Variants in GPR26 observed in about 807,000 individuals in gnomAD.
GPR26 encodes the protein G protein-coupled receptor 26.
A neutral mutation model predicts 23.1 loss-of-function variants in GPR26; 15 were observed. The observed-to-expected ratio is 0.65, with a 90% CI of 0.43 to 1.00. The LOEUF is 1.00. Among genes scored for constraint, GPR26 ranks in the 50% least tolerant of loss-of-function variants. The pLI is 0.00. For synonymous variants in GPR26, 228 were observed against 222.1 expected, an observed-to-expected ratio of 1.03 and a Z score of -0.24; for missense variants, 359 against 470.5, an observed-to-expected ratio of 0.76 and a Z score of 2.19.
Position 123,666,563 on chromosome 10 carries a change from C to A in GPR26, c.156C>A (p.Asn52Lys). Residue 52 changes from asparagine to lysine, a missense_variant, in exon 1 of 3, where the codon AAC becomes AAA. Asn to Lys is a moderately conservative substitution (Grantham distance 94). Transcript: ENST00000284674. ...ALFTLNLTCG[N>K]LLCTVVNMPL... is the part of the protein sequence containing the mutation. Reference sequence around the variant, plus strand: ...TCACCCTGAACCTCACGTGCGGGAACCTGCTGTGCACCGTGGTCAACATGC... The same window carrying A: ...TCACCCTGAACCTCACGTGCGGGAAACTGCTGTGCACCGTGGTCAACATGC... 6.3e-7 allele frequency: 1 copy of A among 1,598,306 alleles called. No homozygotes were observed. The highest frequency in any genetic ancestry group is 8.5e-7 in the Non-Finnish European group (1 of 1,174,794).
intron 2 of GPR26, among the ~76,000 whole-genome samples, chr10:123,675,538 A>T (rs925057513): frequency 2.6e-5 from 4 of 152,088 alleles, no homozygotes; most frequent in Non-Finnish European, 5.9e-5. Flanking sequence ...ATTGCAATAC[A>T]CTAGCCTTGG....
rs1845508109 is a variant in GPR26, at chr10:123,693,159, C to T, written c.*4999C>T. The T allele has an allele frequency of 6.6e-6, 1 of 152,278 alleles. No individual in the cohort carries two copies. Among genetic ancestry groups the T allele is most frequent in the Non-Finnish European group, 1.5e-5 (1 of 68,090 alleles). The allele number at this position is 152,278 out of a possible 1,614,324, so 9.4% of individuals were successfully genotyped here. A position where few individuals can be genotyped will look rare whatever the true frequency, so the allele number is the denominator to read the frequency against. Reference sequence around the variant, plus strand: ...GCTGCCACTTGCTTGGGAAGGAATTCTCCAGACTCCTTTTACTTTGTATGT... The same window carrying T: ...GCTGCCACTTGCTTGGGAAGGAATTTTCCAGACTCCTTTTACTTTGTATGT... On this transcript the variant is annotated 3_prime_UTR_variant, in exon 3 of 3. Transcript: ENST00000284674.
chr10:123,688,378 C>T lies in GPR26; in HGVS notation c.*218C>T. ...TTGTCACCAAAGGATGACTGTAGGC[C>T]GTGTGCTGGCCTTTCTTTCTAAGAA... On this transcript the variant is annotated 3_prime_UTR_variant, in exon 3 of 3. Transcript: ENST00000284674. 5.3e-6 allele frequency: 3 copies of T among 565,492 alleles called. No homozygotes were observed. The highest frequency in any genetic ancestry group is 2.1e-5 in the South Asian group (1 of 48,714). The allele number at this position is 565,492 out of a possible 1,614,324, so 35.0% of individuals were successfully genotyped here.
chr10:123,666,509 G>T lies in GPR26; in HGVS notation c.102G>T (p.Ala34=). The T allele has an allele frequency of 6.3e-7, 1 of 1,576,254 alleles. No homozygotes were observed. The highest frequency in any genetic ancestry group is 8.6e-7 in the Non-Finnish European group (1 of 1,165,198). ...TGCTGCTCTGCCTGCTGCACAGCGC[G>T]GACATCCGCCGCCAGGCGCCGGCGC... The part of the protein sequence containing the change: ...ALVLLCLLHS[A]DIRRQAPALF... The change falls in exon 1 of 3, where the codon GCG becomes GCT. Residue 34 remains alanine, a synonymous_variant. Transcript: ENST00000284674.
rs1845550468 is a variant in GPR26 at position 123,696,870 on chromosome 10, T to C, written c.*8710T>C. ...GCATATGCATATGGGTGAATGTTTGTGTGCCCATGAGTATATGCATACGGG... is the reference window on the plus strand; with the variant it reads ...GCATATGCATATGGGTGAATGTTTGCGTGCCCATGAGTATATGCATACGGG... On this transcript the variant is annotated 3_prime_UTR_variant, in exon 3 of 3. Coordinates refer to ENST00000284674, the MANE Select transcript of GPR26 (RefSeq NM_153442.4). Among the ~76,000 whole-genome samples the C allele has an allele frequency of 6.9e-6, 1 of 144,812 alleles. No individual in the cohort carries two copies.
intron 1 of GPR26, among the ~76,000 whole-genome samples, chr10:123,669,580 CTT>C (rs1306704403): frequency 6.6e-6 from 1 of 152,212 alleles, no homozygotes; most frequent in Non-Finnish European, 1.5e-5. Context: ...CAGCCGGAGT[CTT>C]TGCTCACTGG....
intron 1 of GPR26, among the ~76,000 whole-genome samples, chr10:123,671,889 G>C (rs1845253699): frequency 6.6e-6 from 1 of 152,216 alleles, no homozygotes; most frequent in Admixed American, 6.5e-5. Flanking sequence ...ATTTCAAGGA[G>C]CTCAGTTTTG....
Position 123,666,520 on chromosome 10 carries a change from G to T in GPR26, c.113G>T (p.Arg38Leu). Residue 38 changes from arginine (R) to leucine (L), a missense_variant, in exon 1 of 3, where the codon CGC (arginine) becomes CTC (leucine). Coordinates refer to ENST00000284674, the MANE Select transcript of GPR26 (RefSeq NM_153442.4). ...CTGCTGCACAGCGCGGACATCCGCC[G>T]CCAGGCGCCGGCGCTCTTCACCCTG... Reference protein sequence around the residue: ...LCLLHSADIRRQAPALFTLNL... With the variant: ...LCLLHSADIRLQAPALFTLNL... The T allele has an allele frequency of 6.3e-7, 1 of 1,581,610 alleles. No homozygotes were observed. Among genetic ancestry groups the T allele is most frequent in the Non-Finnish European group, 8.6e-7 (1 of 1,167,444 alleles).
chr10:123,686,364 T>C (rs912018185), intron 2 of GPR26, among the ~76,000 whole-genome samples: 1 of 152,202 alleles, frequency 6.6e-6, no homozygotes. Context: ...TTCTTTAAAG[T>C]ATAGATTTCC....
rs1284864989 is a variant in GPR26, at chr10:123,691,088, C to T, written c.*2928C>T. On this transcript the variant is annotated 3_prime_UTR_variant, in exon 3 of 3. Coordinates refer to ENST00000284674, the MANE Select transcript of GPR26 (RefSeq NM_153442.4). ...CCTAGTCCTACACAATCAGAATTTG[C>T]CTTTTTAAGTCACGCTGCAACTATT... 6.6e-6 allele frequency: 1 copy of T among 152,120 alleles called. No homozygotes were observed. Among genetic ancestry groups the T allele is most frequent in the African/African-American group, 2.4e-5 (1 of 41,408 alleles). 9.4% of individuals were successfully genotyped at this position (152,120 alleles called of 1,614,324 possible).
At chr10:123,685,503 A>AC (rs751060159) in intron 2 of GPR26, among the ~76,000 whole-genome samples, 1 of 151,914 alleles carries the variant, frequency 6.6e-6, no homozygotes, top group African/African-American at 2.4e-5. Flanking sequence ...CATCCCAGCT[A>AC]CCCCCCGCCA....
At chr10:123,686,048 A>G (rs1845428117) in intron 2 of GPR26, among the ~76,000 whole-genome samples, 1 of 152,224 alleles carries the variant, frequency 6.6e-6, no homozygotes, top group Non-Finnish European at 1.5e-5. Context: ...AATTATCTAA[A>G]TGGTGAAATT....
rs1219824 is a variant in GPR26, at chr10:123,691,102, G to T, written c.*2942G>T. 2.0e-5 allele frequency: 3 copies of T among 152,190 alleles called. No homozygotes were observed. Among genetic ancestry groups the T allele is most frequent in the African/African-American group, 4.8e-5 (2 of 41,414 alleles). 9.4% of individuals were successfully genotyped at this position (152,190 alleles called of 1,614,324 possible). A position where few individuals can be genotyped will look rare whatever the true frequency, so the allele number is the denominator to read the frequency against. On this transcript the variant is annotated 3_prime_UTR_variant, in exon 3 of 3. Coordinates refer to ENST00000284674, the MANE Select transcript of GPR26 (RefSeq NM_153442.4). The stretch of plus-strand genomic sequence containing the variant: ...ATCAGAATTTGCCTTTTTAAGTCAC[G>T]CTGCAACTATTCCGGCTTTTTATAT...
intron 2 of GPR26, among the ~76,000 whole-genome samples, chr10:123,678,624 A>C (rs1589927055): frequency 6.6e-6 from 1 of 152,004 alleles, no homozygotes; most frequent in Admixed American, 6.6e-5. Context: ...CAATCCCTCT[A>C]CCCCCACATG....
intron 1 of GPR26, 21 bp downstream of exon 1, chr10:123,667,096 G>T: frequency 6.5e-7 from 1 of 1,542,780 alleles, no homozygotes; most frequent in Non-Finnish European, 8.8e-7. Flanking sequence ...CGCAGCTAAG[G>T]CTCTGGGAAC....
chr10:123,688,625 A>AT lies in GPR26; in HGVS notation c.*465_*466insT. On this transcript the variant is annotated 3_prime_UTR_variant, in exon 3 of 3. Transcript: ENST00000284674. ...GCAGTGGTCATTTGGCCCGGATCTAACATGGCACCTCGTCTCCACAGGGTA... is the reference window on the plus strand; with the variant it reads ...GCAGTGGTCATTTGGCCCGGATCTAATCATGGCACCTCGTCTCCACAGGGTA... The AT allele has an allele frequency of 1.7e-5, 3 of 179,198 alleles. No homozygotes were observed. The highest frequency in any genetic ancestry group is 1.3e-4 in the South Asian group (1 of 7,408). The allele number at this position is 179,198 out of a possible 1,614,324, so 11.1% of individuals were successfully genotyped here.
chr10:123,672,841 G>T (rs1310363718), intron 1 of GPR26, among the ~76,000 whole-genome samples: 1 of 152,098 alleles, frequency 6.6e-6, no homozygotes, highest in Non-Finnish European at 1.5e-5. Flanking sequence ...TGGAACAATT[G>T]GTCACCCTAT....
rs901131534 is a variant in GPR26, at chr10:123,688,949, A to C, written c.*789A>C. 6.6e-6 allele frequency: 1 copy of C among 152,188 alleles called. No individual in the cohort carries two copies. The highest frequency in any genetic ancestry group is 1.5e-5 in the Non-Finnish European group (1 of 68,056). 9.4% of individuals were successfully genotyped at this position (152,188 alleles called of 1,614,324 possible). On this transcript the variant is annotated 3_prime_UTR_variant, in exon 3 of 3. Transcript: ENST00000284674. ...GGAGGTCACCTTTTTCTGATTTACAAGTCCTAATTGTTGGAGCTCAGTAAA... is the reference window on the plus strand; with the variant it reads ...GGAGGTCACCTTTTTCTGATTTACACGTCCTAATTGTTGGAGCTCAGTAAA...
rs567231817 is a variant in GPR26, at chr10:123,690,331, G to C, written c.*2171G>C. 6.0e-4 allele frequency: 92 copies of C among 152,296 alleles called. No homozygotes were observed. Among genetic ancestry groups the C allele is most frequent in the African/African-American group, 2.1e-3 (86 of 41,550 alleles). The allele number at this position is 152,296 out of a possible 1,614,324, so 9.4% of individuals were successfully genotyped here. ...TTCAAAGTTGGGCAAAAGTGGCCCA[G>C]TGCGTGAGGTCAGTCAACAGCCAAA... On this transcript the variant is annotated 3_prime_UTR_variant, in exon 3 of 3. Coordinates refer to ENST00000284674, the MANE Select transcript of GPR26 (RefSeq NM_153442.4).
Sources: gnomAD v4.1 joint callset for allele counts (sites outside exome capture counted in the v4.1 genomes callset) on GRCh38, gnomAD v4.1.1 for gene constraint, MANE v1.5 for transcripts, NCBI Gene and HGNC (gene_info 2026-07-23, HGNC 2026-07-21) for gene names.